Variants in EEPD1 observed in about 807,000 individuals in gnomAD.
EEPD1 encodes the protein endonuclease/exonuclease/phosphatase family domain containing 1, also known as endonuclease/exonuclease/phosphatase family domain-containing protein 1.
A neutral mutation model predicts 46.3 loss-of-function variants in EEPD1; 17 were observed. The ratio of observed to expected loss-of-function variants is 0.37; its 90% CI spans 0.25 to 0.55. The LOEUF (loss-of-function observed/expected upper bound fraction) is 0.55, where lower values mean the gene tolerates loss of function less well. Ranked by LOEUF, EEPD1 falls within the 20% of genes least tolerant of loss-of-function variation. EEPD1 has a pLI of 0.83. For missense variants in EEPD1, 673 were observed against 745.6 expected (o/e 0.90, Z 1.13); for synonymous variants, 313 against 315.6 (o/e 0.99, Z 0.09).
chr7:36,180,903 G>A (rs370750931), intron 2 of EEPD1, among the ~76,000 whole-genome samples: 1 of 148,900 alleles, frequency 6.7e-6, no homozygotes. Context: ...CCCCTCAGTC[G>A]GCTCCTGGCC....
intron 3 of EEPD1, among the ~76,000 whole-genome samples, chr7:36,273,908 C>T (rs1787148187): frequency 6.6e-6 from 1 of 152,208 alleles, no homozygotes; most frequent in Non-Finnish European, 1.5e-5. Context: ...AGGATAATTG[C>T]TCACTGAGCC....
chr7:36,217,063 T>C (rs949122825), intron 2 of EEPD1, among the ~76,000 whole-genome samples: 1 of 152,262 alleles, frequency 6.6e-6, no homozygotes, highest in African/African-American at 2.4e-5. Context: ...TTCTTGGATC[T>C]TGCACAAGAA....
At position 36,300,053 on chromosome 7, in the gene EEPD1, CA is replaced by C. The variant is rs1332897455; in HGVS notation, c.*849del. On this transcript the variant is annotated 3_prime_UTR_variant, in exon 8 of 8. Coordinates refer to ENST00000242108, the MANE Select transcript of EEPD1 (RefSeq NM_030636.3). ...TATTTGTTTAGTTCTCTTTGCAGGACAAGAATTCTCTCAGGGTGGTATCACC... is the reference window on the plus strand; with the variant it reads ...TATTTGTTTAGTTCTCTTTGCAGGACAGAATTCTCTCAGGGTGGTATCACC... 2.6e-5 allele frequency: 4 copies of C among 152,326 alleles called. No homozygotes were observed. The allele number at this position is 152,326 out of a possible 1,614,324, so 9.4% of individuals were successfully genotyped here.
intron 6 of EEPD1, among the ~76,000 whole-genome samples, chr7:36,289,109 G>GTA (rs2115887407): frequency 6.6e-6 from 1 of 152,266 alleles, no homozygotes; most frequent in South Asian, 2.1e-4. Context: ...ATGTATGTAT[G>GTA]TATATATGTA....
At chr7:36,153,704 G>GT (rs1460846111) in intron 1 of EEPD1, 30 bp downstream of exon 1, 1 of 152,498 alleles carries the variant, frequency 6.6e-6, no homozygotes, top group Admixed American at 6.5e-5. Flanking sequence ...GGCAGGTCGG[G>GT]TGGGGGGTCG....
intron 2 of EEPD1, among the ~76,000 whole-genome samples, chr7:36,217,537 C>T (rs1786050576): frequency 6.6e-6 from 1 of 152,210 alleles, no homozygotes; most frequent in South Asian, 2.1e-4. Flanking sequence ...TATCCTGTGA[C>T]TTAGAATGCC....
At chr7:36,236,505 G>T (rs976744361) in intron 2 of EEPD1, among the ~76,000 whole-genome samples, 3 of 152,190 alleles carry the variant, frequency 2.0e-5, no homozygotes, top group Non-Finnish European at 4.4e-5. Flanking sequence ...CCTCTTGATT[G>T]TCTGGGACGA....
At chr7:36,178,211 TCAC>T (rs1785216513) in intron 2 of EEPD1, among the ~76,000 whole-genome samples, 1 of 151,906 alleles carries the variant, frequency 6.6e-6, no homozygotes, top group Non-Finnish European at 1.5e-5. Context: ...CCTAGTGTCA[TCAC>T]CACAACTGCC....
intron 3 of EEPD1, among the ~76,000 whole-genome samples, chr7:36,273,475 G>A (rs1197706944): frequency 6.6e-6 from 1 of 151,968 alleles, no homozygotes; most frequent in Non-Finnish European, 1.5e-5. Flanking sequence ...TTAACCTCTT[G>A]GGATTACTAC....
At chr7:36,159,823 C>T (rs2115597904) in intron 2 of EEPD1, among the ~76,000 whole-genome samples, 1 of 152,338 alleles carries the variant, frequency 6.6e-6, no homozygotes. Flanking sequence ...CTCCTCCACC[C>T]AGCCCCTCAA....
chr7:36,259,476 T>G (rs1786883021), intron 3 of EEPD1, among the ~76,000 whole-genome samples: 2 of 152,188 alleles, frequency 1.3e-5, no homozygotes, highest in Admixed American at 1.3e-4. Context: ...TGTTACACCT[T>G]GAACTATACA....
chr7:36,281,112 C>T lies in EEPD1; in HGVS notation c.931-3C>T. The stretch of plus-strand genomic sequence containing the variant: ...GCTTCTGACCTGTGCTCTGTCTTTG[C>T]AGTTCTGCACGGAGCTAAACCAGCC... On this transcript the variant is annotated splice_region_variant and splice_polypyrimidine_tract_variant and intron_variant, in intron 3 of 7. Coordinates refer to ENST00000242108, the MANE Select transcript of EEPD1 (RefSeq NM_030636.3). The T allele has an allele frequency of 1.9e-6, 3 of 1,613,870 alleles. No homozygotes were observed. Among genetic ancestry groups the T allele is most frequent in the Non-Finnish European group, 2.5e-6 (3 of 1,179,966 alleles).
intron 2 of EEPD1, among the ~76,000 whole-genome samples, chr7:36,174,549 C>T (rs540445824): frequency 1.1e-3 from 162 of 152,324 alleles, no homozygotes; most frequent in African/African-American, 3.8e-3. Flanking sequence ...CCCTGGTCTC[C>T]GCCAGGCAGC....
intron 2 of EEPD1, among the ~76,000 whole-genome samples, chr7:36,219,800 A>AGTGTGTGT (rs1476592033): frequency 1.2e-3 from 83 of 66,582 alleles, no homozygotes; most frequent in Non-Finnish European, 2.1e-3. Flanking sequence ...AGAGAGAGAG[A>AGTGTGTGT]GAGAGAGTGT....
Position 36,276,369 on chromosome 7 carries a change from A to T in EEPD1, c.931-4746A>T, listed in dbSNP as rs1028039413. Among the ~76,000 whole-genome samples the T allele has an allele frequency of 9.9e-5, 15 of 152,148 alleles. No homozygotes were observed. In the East Asian group the frequency reaches 1.2e-3, roughly 12 times the overall value. Reference sequence around the variant, plus strand: ...TTTACCCAATTTGGTCTGATGCTGGAGAAACAAATCGAGCTCATTGGTAGC... The same window carrying T: ...TTTACCCAATTTGGTCTGATGCTGGTGAAACAAATCGAGCTCATTGGTAGC... On this transcript the variant is annotated intron_variant, in intron 3 of 7. Coordinates refer to ENST00000242108, the MANE Select transcript of EEPD1 (RefSeq NM_030636.3).
At chr7:36,155,773 G>A (rs1382377935) in intron 2 of EEPD1, among the ~76,000 whole-genome samples, 1 of 152,124 alleles carries the variant, frequency 6.6e-6, no homozygotes, top group African/African-American at 2.4e-5. Flanking sequence ...AGCCCAAAAT[G>A]TGTGTAACCT....
intron 3 of EEPD1, among the ~76,000 whole-genome samples, chr7:36,242,270 T>A (rs1786566822): frequency 6.6e-6 from 1 of 152,180 alleles, no homozygotes; most frequent in Non-Finnish European, 1.5e-5. Flanking sequence ...CTGCTGCCCA[T>A]GTTCTTTCCT....
At chr7:36,231,002 C>T (rs1786315496) in intron 2 of EEPD1, 1 of 152,218 alleles carries the variant, frequency 6.6e-6, no homozygotes, top group African/African-American at 2.4e-5. Context: ...CTGACTCTAG[C>T]ATCCTTTAGG....
At chr7:36,288,346 T>G (rs918023) in intron 6 of EEPD1, among the ~76,000 whole-genome samples, 6,787 of 152,070 alleles carry the variant, frequency 0.045, 516 homozygotes, top group East Asian at 0.36. Flanking sequence ...ACAGTACTCA[T>G]CTCATAGCAG....
Sources: gnomAD v4.1 joint callset for allele counts (sites outside exome capture counted in the v4.1 genomes callset) on GRCh38, gnomAD v4.1.1 for gene constraint, MANE v1.5 for transcripts, NCBI Gene and HGNC (gene_info 2026-07-23, HGNC 2026-07-21) for gene names.